TMEM53: variants seen among roughly 807,000 people sequenced by gnomAD.
TMEM53 encodes the protein novel DUF829 domain-containing protein.
In TMEM53, 14 loss-of-function variants were observed where a neutral mutation model predicts 21.4. The ratio of observed to expected loss-of-function variants is 0.65; its 90% CI spans 0.43 to 1.02. TMEM53 has a LOEUF of 1.02. Among genes scored for constraint, TMEM53 ranks in the 50% least tolerant of loss-of-function variants. The pLI, the probability that TMEM53 is intolerant of heterozygous loss-of-function variation, is 0.00. For synonymous variants in TMEM53, 148 were observed against 157.4 expected, an observed-to-expected ratio of 0.94 and a Z score of 0.45; for missense variants, 323 against 383.6, an observed-to-expected ratio of 0.84 and a Z score of 1.32.
At chr1:44,659,384 G>A (rs947859704) in intron 2 of TMEM53, among the ~76,000 whole-genome samples, 1 of 152,190 alleles carries the variant, frequency 6.6e-6, no homozygotes, top group African/African-American at 2.4e-5. Context: ...GGGGAAGGTG[G>A]AGCTGGAGGC....
intron 1 of TMEM53, among the ~76,000 whole-genome samples, chr1:44,671,763 T>C (rs570549040): frequency 6.6e-6 from 1 of 152,294 alleles, no homozygotes; most frequent in East Asian, 1.9e-4. Context: ...ACCTTGTCTC[T>C]ACTAAAACTA....
chr1:44,663,806 C>T (rs1644922525), intron 1 of TMEM53, among the ~76,000 whole-genome samples: 1 of 152,202 alleles, frequency 6.6e-6, no homozygotes, highest in Admixed American at 6.5e-5. Flanking sequence ...CCACTAAAAA[C>T]TTCTCCAGCA....
Position 44,654,922 on chromosome 1 carries a change from G to C in TMEM53, c.471C>G (p.Ala157=). The change falls in exon 3 of 3, where the codon GCC becomes GCG. Residue 157 remains alanine (A), a synonymous_variant. Transcript: ENST00000372237. This position sits in a 1 kb window ranked among gnomAD's most constrained non-coding sequence, Gnocchi z 7.0. ...GDSNLVGALR[A]LAAILERRAA... ...CCCGGCGCTCCAGGATGGCTGCCAGGGCCCGCAGAGCCCCTACCAGGTTGC... is the reference window on the plus strand; with the variant it reads ...CCCGGCGCTCCAGGATGGCTGCCAGCGCCCGCAGAGCCCCTACCAGGTTGC... 6.2e-7 allele frequency: 1 copy of C among 1,613,276 alleles called. No individual in the cohort carries two copies. Among genetic ancestry groups the C allele is most frequent in the Admixed American group, 1.7e-5 (1 of 60,002 alleles).
chr1:44,662,811 C>A (rs1406290682), intron 1 of TMEM53, among the ~76,000 whole-genome samples: 1 of 152,016 alleles, frequency 6.6e-6, no homozygotes, highest in Non-Finnish European at 1.5e-5. Flanking sequence ...CAAGGCCAGC[C>A]CCCACCAGCA....
At chr1:44,662,741 T>C (rs1644913109) in intron 1 of TMEM53, among the ~76,000 whole-genome samples, 1 of 150,156 alleles carries the variant, frequency 6.7e-6, no homozygotes, top group African/African-American at 2.5e-5. Context: ...CTTTGGGATT[T>C]ATCGCAAATA....
In TMEM53 at chr1:44,654,489, G is replaced by A. The variant is rs1408381983; in HGVS notation, c.*70C>T. 8.5e-6 allele frequency: 13 copies of A among 1,535,460 alleles called. No individual in the cohort carries two copies. The highest frequency in any genetic ancestry group is 2.5e-5 in the South Asian group (2 of 81,296). ...AGGGAGTTGAACGAGAAGAGTGCCC[G>A]ACAGATTGCAGGTTGTGGGGAGGTG... On this transcript the variant is annotated 3_prime_UTR_variant, in exon 3 of 3. Coordinates refer to ENST00000372237, the MANE Select transcript of TMEM53 (RefSeq NM_024587.4). This position sits in a 1 kb window ranked among gnomAD's most constrained non-coding sequence, Gnocchi z 7.0.
intron 1 of TMEM53, among the ~76,000 whole-genome samples, chr1:44,666,041 C>A (rs1573229920): frequency 6.6e-6 from 1 of 152,174 alleles, no homozygotes. Context: ...AAAAAGTAAA[C>A]CCAACTCAAA....
intron 2 of TMEM53, among the ~76,000 whole-genome samples, chr1:44,659,666 A>T (rs1644881203): frequency 6.6e-6 from 1 of 152,134 alleles, no homozygotes. Context: ...GCCAGTTAAT[A>T]GGGACTGGAG....
intron 1 of TMEM53, among the ~76,000 whole-genome samples, chr1:44,668,891 T>C (rs1644975161): frequency 6.6e-6 from 1 of 152,170 alleles, no homozygotes; most frequent in South Asian, 2.1e-4. Flanking sequence ...CAGAGCAGAG[T>C]AGCATAGTAT....
chr1:44,662,983 AC>A (rs1644914554), intron 1 of TMEM53, among the ~76,000 whole-genome samples: 1 of 152,134 alleles, frequency 6.6e-6, no homozygotes, highest in Admixed American at 6.5e-5. Flanking sequence ...AGGCGAAGAA[AC>A]CCTCAGAATT....
At chr1:44,668,792 C>T (rs1006574867) in intron 1 of TMEM53, among the ~76,000 whole-genome samples, 3 of 152,340 alleles carry the variant, frequency 2.0e-5, no homozygotes, top group East Asian at 1.9e-4. Flanking sequence ...ATCCACCCCC[C>T]TCGGCCTCCC....
chr1:44,673,963 C>T (rs1015671364), intron 1 of TMEM53: 6 of 985,332 alleles, frequency 6.1e-6, no homozygotes, highest in African/African-American at 3.5e-5. Flanking sequence ...AAGTGATAGG[C>T]TAGATGTGGG....
intron 1 of TMEM53, among the ~76,000 whole-genome samples, chr1:44,672,569 GGCT>G (rs1645011162): frequency 6.6e-6 from 1 of 152,184 alleles, no homozygotes; most frequent in South Asian, 2.1e-4. Context: ...GCCTCCAACA[GGCT>G]AGAATGTTTG....
rs780360806 is a variant in TMEM53, at chr1:44,670,169, T to TAAAAAAAAAAAA, written c.61+4150_61+4161dup. Among the ~76,000 whole-genome samples, 17 of 103,788 alleles carry TAAAAAAAAAAAA rather than the reference T, an allele frequency of 1.6e-4. 1 individual carries two copies. Among genetic ancestry groups the TAAAAAAAAAAAA allele is most frequent in the African/African-American group, 4.4e-4 (10 of 22,844 alleles). 68.1% of individuals were successfully genotyped at this position (103,788 alleles called of 152,430 possible). On this transcript the variant is annotated intron_variant, in intron 1 of 2. Coordinates refer to ENST00000372237, the MANE Select transcript of TMEM53 (RefSeq NM_024587.4). ...AAAAATAAATACAACTCCTCTGTAT[T>TAAAAAAAAAAAA]AAAAAAAAAAAAAAAGACCTTTGGG... is the stretch of plus-strand genomic sequence containing the variant.
chr1:44,664,787 TC>T (rs1038766200), intron 1 of TMEM53, among the ~76,000 whole-genome samples: 2 of 152,106 alleles, frequency 1.3e-5, no homozygotes, highest in Non-Finnish European at 2.9e-5. Context: ...CTTGCAACCA[TC>T]CTAGGAGTTA....
At chr1:44,659,273 G>GC (rs968368322) in intron 2 of TMEM53, among the ~76,000 whole-genome samples, 4 of 152,214 alleles carry the variant, frequency 2.6e-5, no homozygotes, top group South Asian at 4.1e-4. Context: ...TCTCCCAGGT[G>GC]CCCCCCCACT....
intron 2 of TMEM53, among the ~76,000 whole-genome samples, chr1:44,656,758 A>C (rs1045740751): frequency 1.8e-4 from 27 of 151,940 alleles, no homozygotes; most frequent in African/African-American, 6.5e-4. Flanking sequence ...TCACACCTGT[A>C]ATCCCAACAC....
At chr1:44,669,346 C>T (rs972536871) in intron 1 of TMEM53, among the ~76,000 whole-genome samples, 3 of 152,134 alleles carry the variant, frequency 2.0e-5, no homozygotes, top group Non-Finnish European at 4.4e-5. Context: ...GGATATGATG[C>T]TGTTTCCAAT....
chr1:44,674,252 G>T (rs1442337827), intron 1 of TMEM53, 79 bp downstream of exon 1: 9 of 1,517,122 alleles, frequency 5.9e-6, no homozygotes, highest in Non-Finnish European at 8.0e-6. Flanking sequence ...CGCATGAGGG[G>T]CGGGGCTACA....
Sources: gnomAD v4.1 joint callset for allele counts (sites outside exome capture counted in the v4.1 genomes callset) on GRCh38, gnomAD v4.1.1 for gene constraint, Gnocchi (gnomAD v3.1) non-coding constraint, MANE v1.5 for transcripts, NCBI Gene and HGNC (gene_info 2026-07-23, HGNC 2026-07-21) for gene names.